Variants in TDRD7 observed in about 807,000 individuals in gnomAD.
The protein encoded by TDRD7 is tudor domain-containing protein 7.
A neutral mutation model predicts 109.8 loss-of-function variants in TDRD7; 47 were observed. The ratio of observed to expected loss-of-function variants is 0.43; its 90% CI spans 0.34 to 0.55. TDRD7 has a LOEUF of 0.55. Among genes scored for constraint, TDRD7 ranks in the 20% least tolerant of loss-of-function variants. The pLI, the probability that TDRD7 is intolerant of heterozygous loss-of-function variation, is 0.03. For synonymous variants in TDRD7, 424 were observed against 457.3 expected (o/e 0.93, Z 0.93); for missense variants, 1,164 against 1,319.2 (o/e 0.88, Z 1.82).
chr9:97,462,738 C>T (rs562516903), intron 7 of TDRD7, among the ~76,000 whole-genome samples: 1 of 152,296 alleles, frequency 6.6e-6, no homozygotes, highest in South Asian at 2.1e-4. Flanking sequence ...TCGTCATTAC[C>T]CACTGTCATA....
rs573963048 is a variant in TDRD7 at position 97,423,477 on chromosome 9, T to A, written c.-6-4983T>A. Reference sequence around the variant, plus strand: ...AACTAGTTTTAGTTTCATGATTCTTTTCTCTCCTATTTTTAAACTTCATTA... The same window carrying A: ...AACTAGTTTTAGTTTCATGATTCTTATCTCTCCTATTTTTAAACTTCATTA... On this transcript the variant is annotated intron_variant, in intron 1 of 16. Coordinates refer to ENST00000355295, the MANE Select transcript of TDRD7 (RefSeq NM_014290.3). Among the ~76,000 whole-genome samples the A allele has an allele frequency of 2.6e-5, 4 of 152,164 alleles. No homozygotes were observed. In the East Asian group the frequency reaches 7.7e-4, roughly 29 times the overall value.
chr9:97,460,365 T>G lies in TDRD7; in HGVS notation c.1043T>G (p.Leu348Arg). Residue 348 changes from leucine (L) to arginine (R), a missense_variant, in exon 7 of 17, where the codon CTG becomes CGG. Transcript: ENST00000355295. ...GACTTTAAAGAAAAAGTGGCAGACC[T>G]GCTGGTGAAATACACAAGTGGCCTT... ...AGDFKEKVAD[L>R]LVKYTSGLWA... is the part of the protein sequence containing the mutation. The G allele has an allele frequency of 6.2e-7, 1 of 1,614,196 alleles. No homozygotes were observed. The highest frequency in any genetic ancestry group is 1.7e-5 in the Admixed American group (1 of 60,026).
chr9:97,417,625 C>G (rs1827831961), intron 1 of TDRD7, among the ~76,000 whole-genome samples: 1 of 152,128 alleles, frequency 6.6e-6, no homozygotes, highest in South Asian at 2.1e-4. Context: ...AGAATGAGAT[C>G]CAGGAGAAGG....
chr9:97,451,237 T>A (rs193051723), intron 6 of TDRD7, among the ~76,000 whole-genome samples: 1 of 152,268 alleles, frequency 6.6e-6, no homozygotes, highest in Non-Finnish European at 1.5e-5. Context: ...CATCTCTTCA[T>A]TGGTATTTTT....
At chr9:97,425,788 G>A (rs914251052) in intron 1 of TDRD7, among the ~76,000 whole-genome samples, 1 of 152,146 alleles carries the variant, frequency 6.6e-6, no homozygotes, top group Non-Finnish European at 1.5e-5. Flanking sequence ...ATTGCCTAAC[G>A]ACAGGGATAT....
chr9:97,488,471 A>G (rs2131183596), intron 16 of TDRD7, among the ~76,000 whole-genome samples: 1 of 152,156 alleles, frequency 6.6e-6, no homozygotes, highest in East Asian at 1.9e-4. Flanking sequence ...TCCTATGGTA[A>G]TTGGATATAA....
chr9:97,452,451 G>A (rs1828514245), intron 6 of TDRD7, among the ~76,000 whole-genome samples: 1 of 152,154 alleles, frequency 6.6e-6, no homozygotes, highest in Non-Finnish European at 1.5e-5. Flanking sequence ...TGAAATGTAG[G>A]CACATAACTA....
At chr9:97,491,590 C>G (rs2131187703) in intron 16 of TDRD7, among the ~76,000 whole-genome samples, 1 of 152,246 alleles carries the variant, frequency 6.6e-6, no homozygotes, top group East Asian at 1.9e-4. Flanking sequence ...AGGTCTCAGT[C>G]TTTTGTTGAG....
intron 1 of TDRD7, among the ~76,000 whole-genome samples, chr9:97,420,109 T>C (rs1827873993): frequency 6.6e-6 from 1 of 152,108 alleles, no homozygotes; most frequent in Non-Finnish European, 1.5e-5. Flanking sequence ...ATCTCAAAAT[T>C]GGATGCAACC....
intron 1 of TDRD7, among the ~76,000 whole-genome samples, chr9:97,424,788 T>G (rs1263092649): frequency 6.6e-6 from 1 of 152,160 alleles, no homozygotes; most frequent in Non-Finnish European, 1.5e-5. Context: ...TTAATGTAAT[T>G]ATTGATATGA....
chr9:97,466,580 A>G (rs1033428198), intron 8 of TDRD7, among the ~76,000 whole-genome samples: 25 of 152,240 alleles, frequency 1.6e-4, no homozygotes, highest in African/African-American at 5.5e-4. Context: ...AACAAATTAT[A>G]GTTTATTCAT....
intron 3 of TDRD7, 97 bp from the exon 4 acceptor site, chr9:97,431,928 T>A (rs1828110421): frequency 9.0e-7 from 1 of 1,112,772 alleles, no homozygotes; most frequent in Non-Finnish European, 1.4e-6. Flanking sequence ...GTTCTGAGAA[T>A]AGACACCCAC....
intron 8 of TDRD7, among the ~76,000 whole-genome samples, chr9:97,467,363 T>A (rs927464581): frequency 6.6e-6 from 1 of 152,250 alleles, no homozygotes; most frequent in Non-Finnish European, 1.5e-5. Flanking sequence ...TCCCTCCTTC[T>A]ACTTTGGGAA....
chr9:97,480,718 T>G, intron 13 of TDRD7, 110 bp from the exon 14 acceptor site: 1 of 890,910 alleles, frequency 1.1e-6, no homozygotes, highest in Non-Finnish European at 1.9e-6. Flanking sequence ...CTGTTGTTGC[T>G]TGCTGTCTAT....
At chr9:97,451,092 A>G (rs1305286560) in intron 6 of TDRD7, among the ~76,000 whole-genome samples, 1 of 152,006 alleles carries the variant, frequency 6.6e-6, no homozygotes, top group African/African-American at 2.4e-5. Context: ...TTAACCAATC[A>G]TGCCTGCGGA....
chr9:97,494,179 G>C (rs887508515), intron 16 of TDRD7, among the ~76,000 whole-genome samples: 1 of 152,200 alleles, frequency 6.6e-6, no homozygotes, highest in East Asian at 1.9e-4. Flanking sequence ...AAAGACAGGA[G>C]TAAGAAATTA....
intron 13 of TDRD7, among the ~76,000 whole-genome samples, chr9:97,478,917 GTTTA>G (rs1029255074): frequency 1.3e-5 from 2 of 151,316 alleles, no homozygotes; most frequent in Admixed American, 6.6e-5. Flanking sequence ...AGAGTTTTTA[GTTTA>G]TTTAGGTAAC....
chr9:97,426,930 C>G (rs539719057), intron 1 of TDRD7, among the ~76,000 whole-genome samples: 79 of 152,258 alleles, frequency 5.2e-4, no homozygotes, highest in African/African-American at 1.8e-3. Context: ...GGCTATTTGT[C>G]TAGAATTCTC....
chr9:97,493,320 A>T (rs1829336728), intron 16 of TDRD7, among the ~76,000 whole-genome samples: 1 of 152,162 alleles, frequency 6.6e-6, no homozygotes, highest in Non-Finnish European at 1.5e-5. Context: ...GAGAAATTTT[A>T]AAGCTGGGTG....
Sources: gnomAD v4.1 joint callset for allele counts (sites outside exome capture counted in the v4.1 genomes callset) on GRCh38, gnomAD v4.1.1 for gene constraint, MANE v1.5 for transcripts, NCBI Gene and HGNC (gene_info 2026-07-23, HGNC 2026-07-21) for gene names.